The following SNU13 variants were observed in gnomAD, a reference collection of about 807,000 sequenced individuals.
SNU13 encodes small nuclear ribonucleoprotein 13, also known as NHP2-like protein 1.
Under a neutral mutation model 12.4 loss-of-function variants are expected in SNU13, and 2 were observed. The ratio of observed to expected loss-of-function variants is 0.16; its 90% CI spans 0.07 to 0.51. SNU13 has a LOEUF of 0.51. Ranked by LOEUF, SNU13 falls within the 20% of genes least tolerant of loss-of-function variation. The probability of loss-of-function intolerance (pLI) is 0.96; values close to 1 mark genes in which losing one functional copy is unlikely to be tolerated. For synonymous variants in SNU13, 68 were observed against 66.5 expected, an observed-to-expected ratio of 1.02 and a Z score of -0.11; for missense variants, 66 against 157.8, an observed-to-expected ratio of 0.42 and a Z score of 3.12.
At chr22:41,682,366 G>A (rs769657725) in intron 1 of SNU13, 3 of 1,614,036 alleles carry the variant, frequency 1.9e-6, no homozygotes, top group South Asian at 2.2e-5. Flanking sequence ...CATAGCGTCT[G>A]TCTTGGTAGT....
At chr22:41,687,840 A>C (rs1253677852) in intron 1 of SNU13, 1 of 152,244 alleles carries the variant, frequency 6.6e-6, no homozygotes, top group African/African-American at 2.4e-5. Context: ...GTTCAACCTG[A>C]GACCATCCGA....
chr22:41,677,623 CAA>C (rs1198494986), intron 2 of SNU13, among the ~76,000 whole-genome samples: 1 of 152,186 alleles, frequency 6.6e-6, no homozygotes, highest in East Asian at 1.9e-4. Flanking sequence ...ACTCACCCTA[CAA>C]AAGTCATAGG....
At chr22:41,686,079 G>A (rs2068307888) in intron 1 of SNU13, among the ~76,000 whole-genome samples, 1 of 152,108 alleles carries the variant, frequency 6.6e-6, no homozygotes, top group Non-Finnish European at 1.5e-5. Flanking sequence ...CAATTTCTGG[G>A]ATTGCAGGCT....
chr22:41,689,170 T>C, upstream of SNU13: 1 of 855,730 alleles, frequency 1.2e-6, no homozygotes, highest in Non-Finnish European at 1.4e-6. Flanking sequence ...GAGACCAGCC[T>C]GGCCAACATG....
intron 1 of SNU13, among the ~76,000 whole-genome samples, chr22:41,686,798 T>C (rs1281824494): frequency 6.6e-6 from 1 of 150,650 alleles, no homozygotes; most frequent in African/African-American, 2.4e-5. Flanking sequence ...GGCTAATTTT[T>C]GTATTTTTAG....
rs986513533 is a variant in SNU13 at position 41,674,786 on chromosome 22, AAAC to A, written c.*144_*146del. 1 of 1,158,846 alleles carries A rather than the reference AAAC, an allele frequency of 8.6e-7. No individual in the cohort carries two copies. Among genetic ancestry groups the A allele is most frequent in the African/African-American group, 1.6e-5 (1 of 64,288 alleles). The allele number at this position is 1,158,846 out of a possible 1,614,324, so 71.8% of individuals were successfully genotyped here. ...ATAGCAACCCTGTAAAACAGAACAA[AAAC>A]AACACAAAAATCCAGAAACCAGATT... On this transcript the variant is annotated 3_prime_UTR_variant, in exon 3 of 3. Coordinates refer to ENST00000401959, the MANE Select transcript of SNU13 (RefSeq NM_001003796.2).
chr22:41,680,483 A>G (rs2068253621), intron 1 of SNU13, 119 bp from the exon 2 acceptor site: 20 of 961,378 alleles, frequency 2.1e-5, no homozygotes, highest in Non-Finnish European at 2.9e-5. Context: ...CTAACCCTCA[A>G]ACACACAAAA....
intron 1 of SNU13, among the ~76,000 whole-genome samples, chr22:41,680,838 G>T (rs2068257673): frequency 6.6e-6 from 1 of 152,192 alleles, no homozygotes; most frequent in Non-Finnish European, 1.5e-5. Flanking sequence ...GGGACTATAA[G>T]CGTGCACCAC....
At chr22:41,678,424 T>G (rs992599281) in intron 2 of SNU13, among the ~76,000 whole-genome samples, 1 of 152,134 alleles carries the variant, frequency 6.6e-6, no homozygotes, top group South Asian at 2.1e-4. Flanking sequence ...TCAATAAATA[T>G]GGCAAGAAAG....
chr22:41,682,542 TACGTA>T (rs1033190595), intron 1 of SNU13: 40 of 1,486,160 alleles, frequency 2.7e-5, no homozygotes, highest in Non-Finnish European at 3.3e-5. Context: ...CCCTGTCTTC[TACGTA>T]ACTCCTTATC....
intron 1 of SNU13, among the ~76,000 whole-genome samples, chr22:41,684,164 C>G (rs537114756): frequency 3.5e-4 from 53 of 152,316 alleles, no homozygotes; most frequent in African/African-American, 1.2e-3. Flanking sequence ...CTCGACCTCC[C>G]AAAGTGCTGG....
intron 1 of SNU13, among the ~76,000 whole-genome samples, chr22:41,684,280 A>T (rs1284230941): frequency 6.6e-6 from 1 of 152,214 alleles, no homozygotes; most frequent in Admixed American, 6.5e-5. Context: ...TTCGGAAAGG[A>T]AAAGACCCAG....
In SNU13 at chr22:41,674,790, A is replaced by G. The variant is rs1020136597; in HGVS notation, c.*143T>C. 1.7e-5 allele frequency: 20 copies of G among 1,183,998 alleles called. No homozygotes were observed. Among genetic ancestry groups the G allele is most frequent in the Non-Finnish European group, 2.3e-5 (20 of 853,216 alleles). 73.3% of individuals were successfully genotyped at this position (1,183,998 alleles called of 1,614,324 possible). A position where few individuals can be genotyped will look rare whatever the true frequency, so the allele number is the denominator to read the frequency against. On this transcript the variant is annotated 3_prime_UTR_variant, in exon 3 of 3. Transcript: ENST00000401959. ...CAACCCTGTAAAACAGAACAAAAAC[A>G]ACACAAAAATCCAGAAACCAGATTT...
chr22:41,688,370 G>A (rs528955020), intron 1 of SNU13: 1 of 161,632 alleles, frequency 6.2e-6, no homozygotes, highest in Non-Finnish European at 1.3e-5. Context: ...GGGTGGGTAG[G>A]AGAGGTTGAT....
chr22:41,681,799 C>T lies in SNU13; in HGVS notation c.4-1435G>A, dbSNP rs577597298. Among the ~76,000 whole-genome samples, 3 of 152,268 alleles carry T rather than the reference C, an allele frequency of 2.0e-5. 1 individual carries two copies. The South Asian group carries it at 6.2e-4, about 32-fold the overall frequency. ...AGGCTGACGCAGAATAGCTTGAACCCAGGAGGCGGAGGATGCAATGAGCGG... is the reference window on the plus strand; with the variant it reads ...AGGCTGACGCAGAATAGCTTGAACCTAGGAGGCGGAGGATGCAATGAGCGG... On this transcript the variant is annotated intron_variant, in intron 1 of 2. Coordinates refer to ENST00000401959, the MANE Select transcript of SNU13 (RefSeq NM_001003796.2).
intron 1 of SNU13, among the ~76,000 whole-genome samples, chr22:41,687,216 C>G (rs1271702952): frequency 6.6e-6 from 1 of 152,154 alleles, no homozygotes; most frequent in African/African-American, 2.4e-5. Flanking sequence ...CTCAGCCTCC[C>G]AAAGTGCTGG....
chr22:41,681,804 G>A (rs2068265669), intron 1 of SNU13, among the ~76,000 whole-genome samples: 2 of 152,162 alleles, frequency 1.3e-5, no homozygotes, highest in Non-Finnish European at 1.5e-5. Flanking sequence ...GAACCCAGGA[G>A]GCGGAGGATG....
Position 41,688,820 on chromosome 22 carries a change from A to G in SNU13, c.-24T>C. 10 of 1,597,152 alleles carry G rather than the reference A, an allele frequency of 6.3e-6. No homozygotes were observed. Among genetic ancestry groups the G allele is most frequent in the Non-Finnish European group, 7.7e-6 (9 of 1,168,624 alleles). On this transcript the variant is annotated 5_prime_UTR_variant, in exon 1 of 3. Transcript: ENST00000401959. ...ATGGCTGCGGTTCCGCGGGCTCAGC[A>G]CTCCTAGGGGAGCGCAGCTGACGTT... is the stretch of plus-strand genomic sequence containing the variant.
intron 2 of SNU13, among the ~76,000 whole-genome samples, chr22:41,678,384 A>G (rs572958285): frequency 3.5e-4 from 54 of 152,306 alleles, no homozygotes; most frequent in African/African-American, 1.2e-3. Context: ...TCATCAGCAT[A>G]TATACATGCG....
Sources: gnomAD v4.1 joint callset for allele counts (sites outside exome capture counted in the v4.1 genomes callset) on GRCh38, gnomAD v4.1.1 for gene constraint, MANE v1.5 for transcripts, NCBI Gene and HGNC (gene_info 2026-07-23, HGNC 2026-07-21) for gene names.